Variants in UXS1 observed in about 807,000 individuals in gnomAD.
UXS1 encodes UDP-glucuronate decarboxylase 1.
UXS1 carries 33 observed loss-of-function variants against 62.6 expected under a neutral mutation model. The observed-to-expected ratio is 0.53, with a 90% CI of 0.40 to 0.70. The LOEUF is 0.70. Ranked by LOEUF, UXS1 falls within the 30% of genes least tolerant of loss-of-function variation. The pLI is 0.00. For synonymous variants in UXS1, 213 were observed against 206.8 expected (o/e 1.03, Z -0.26); for missense variants, 434 against 556.3 (o/e 0.78, Z 2.21).
At chr2:106,146,598 G>A (rs375380996) in intron 5 of UXS1, among the ~76,000 whole-genome samples, 1 of 151,704 alleles carries the variant, frequency 6.6e-6, no homozygotes, top group Admixed American at 6.6e-5. Context: ...GGCCAACATG[G>A]TGAAACCCTG....
In UXS1 at chr2:106,104,745, C is replaced by T. The variant is rs978566763; in HGVS notation, c.923+49G>A. On this transcript the variant is annotated intron_variant, in intron 11 of 14. Transcript: ENST00000283148. The stretch of plus-strand genomic sequence containing the variant: ...GAACTGTCTGTCAAGTTGGCATGAC[C>T]CCTGCTCCAAAGCACTGCTAAGGCT... 3.7e-6 allele frequency: 6 copies of T among 1,612,234 alleles called. No individual in the cohort carries two copies. In the African/African-American group the frequency reaches 6.7e-5, roughly 18 times the overall value.
intron 5 of UXS1, among the ~76,000 whole-genome samples, chr2:106,156,344 T>A (rs183555269): frequency 1.6e-4 from 25 of 152,238 alleles, no homozygotes; most frequent in African/African-American, 6.0e-4. Flanking sequence ...AGATATCACT[T>A]CACACCCAGT....
intron 5 of UXS1, among the ~76,000 whole-genome samples, chr2:106,149,163 T>C (rs991174553): frequency 1.3e-5 from 2 of 152,324 alleles, no homozygotes; most frequent in South Asian, 2.1e-4. Flanking sequence ...AGAAATGTGC[T>C]TAACCTATGA....
chr2:106,157,425 C>T (rs1573532419), intron 5 of UXS1, among the ~76,000 whole-genome samples: 1 of 152,166 alleles, frequency 6.6e-6, no homozygotes, highest in South Asian at 2.1e-4. Flanking sequence ...GGTCTGTGAG[C>T]TAGAAAAGGT....
At chr2:106,157,108 G>A (rs1682496572) in intron 5 of UXS1, among the ~76,000 whole-genome samples, 1 of 152,176 alleles carries the variant, frequency 6.6e-6, no homozygotes, top group South Asian at 2.1e-4. Flanking sequence ...GGCCTAAGGG[G>A]AAAATGGAGA....
chr2:106,157,905 T>G (rs1682566918), intron 5 of UXS1, among the ~76,000 whole-genome samples, 153 bp downstream of exon 5: 1 of 152,166 alleles, frequency 6.6e-6, no homozygotes, highest in Admixed American at 6.6e-5. Flanking sequence ...GAAGAAACTG[T>G]GGAATCAGAA....
At chr2:106,104,011 G>T (rs1677829941) in intron 11 of UXS1, among the ~76,000 whole-genome samples, 1 of 152,164 alleles carries the variant, frequency 6.6e-6, no homozygotes, top group South Asian at 2.1e-4. Flanking sequence ...CCCTGGGATG[G>T]CCCTAAGACA....
At chr2:106,111,156 G>A (rs1310595841) in intron 10 of UXS1, among the ~76,000 whole-genome samples, 2 of 152,186 alleles carry the variant, frequency 1.3e-5, no homozygotes, top group Non-Finnish European at 2.9e-5. Flanking sequence ...CCAAGGCTAC[G>A]GCAATAAATA....
At chr2:106,113,451 T>A (rs950440947) in intron 9 of UXS1, among the ~76,000 whole-genome samples, 1 of 152,220 alleles carries the variant, frequency 6.6e-6, no homozygotes, top group Admixed American at 6.5e-5. Context: ...TTTTCAAGTA[T>A]TTTTAATGCT....
chr2:106,190,846 A>G (rs1202983448), intron 1 of UXS1, among the ~76,000 whole-genome samples: 2 of 151,964 alleles, frequency 1.3e-5, no homozygotes, highest in Non-Finnish European at 2.9e-5. Flanking sequence ...TTTTTACACT[A>G]TATGCATGTT....
intron 1 of UXS1, among the ~76,000 whole-genome samples, chr2:106,192,808 A>T (rs889117893): frequency 1.3e-5 from 2 of 152,174 alleles, no homozygotes; most frequent in Non-Finnish European, 1.5e-5. Context: ...AGGAATCATT[A>T]TAGTACCGAT....
chr2:106,117,973 C>G (rs1248614239), intron 9 of UXS1, among the ~76,000 whole-genome samples: 1 of 152,228 alleles, frequency 6.6e-6, no homozygotes, highest in Non-Finnish European at 1.5e-5. Flanking sequence ...GTTTGGCCAT[C>G]TTCCTCAGCA....
rs557949889 is a variant in UXS1, at chr2:106,125,817, T to C, written c.578-138A>G. ...ATTATCTACCCTTACTGCGTCTGCT[T>C]TGGCACCAAAATAAACAAAACAAAT... On this transcript the variant is annotated intron_variant, in intron 7 of 14. Transcript: ENST00000283148. The C allele has an allele frequency of 7.9e-6, 5 of 633,662 alleles. No homozygotes were observed. In the South Asian group the frequency reaches 1.5e-4, roughly 19 times the overall value. The allele number at this position is 633,662 out of a possible 1,614,324, so 39.3% of individuals were successfully genotyped here.
At chr2:106,175,792 C>T (rs189950185) in intron 1 of UXS1, among the ~76,000 whole-genome samples, 9 of 152,262 alleles carry the variant, frequency 5.9e-5, no homozygotes, top group Admixed American at 5.2e-4. Context: ...CCAGGCATCA[C>T]GAAACAAAGA....
chr2:106,145,829 T>G (rs1023014250), intron 5 of UXS1, among the ~76,000 whole-genome samples: 4 of 152,232 alleles, frequency 2.6e-5, no homozygotes, highest in African/African-American at 9.6e-5. Context: ...AATATTTAAG[T>G]TAGATTCAAA....
intron 10 of UXS1, 84 bp from the exon 11 acceptor site, chr2:106,104,921 C>T: frequency 6.4e-7 from 1 of 1,558,556 alleles, no homozygotes; most frequent in Non-Finnish European, 8.9e-7. Flanking sequence ...GGGACACAGT[C>T]CGACCTTGAA....
intron 10 of UXS1, 106 bp from the exon 11 acceptor site, chr2:106,104,943 G>A (rs1448860531): frequency 5.1e-6 from 7 of 1,380,388 alleles, no homozygotes. Flanking sequence ...CTGATCCCAG[G>A]GGGCAGTGAT....
rs1683046704 is a variant in UXS1, at chr2:106,163,716, A to C, written c.187-6T>G. 2.1e-6 allele frequency: 3 copies of C among 1,427,962 alleles called. No homozygotes were observed. Among genetic ancestry groups the C allele is most frequent in the Non-Finnish European group, 2.8e-6 (3 of 1,080,958 alleles). The allele number at this position is 1,427,962 out of a possible 1,614,324, so 88.5% of individuals were successfully genotyped here. ...TCTCTTAGTGGTTCAACCATCTAGA[A>C]CAATAATAACAAAAATCAGTTTTAA... On this transcript the variant is annotated splice_region_variant and splice_polypyrimidine_tract_variant and intron_variant, in intron 3 of 14. Transcript: ENST00000283148.
At position 106,181,514 on chromosome 2, in the gene UXS1, T is replaced by A. The variant is rs1380479687; in HGVS notation, c.94+12634A>T. 5.9e-5 allele frequency among the ~76,000 whole-genome samples: 9 copies of A among 151,792 alleles called. 1 individual carries two copies. Among genetic ancestry groups the A allele is most frequent in the Admixed American group, 5.9e-4 (9 of 15,258 alleles). ...CGGGCAGATCACCTGAGCTCAGGAG[T>A]TCGAGACGACCCTGGGCAACATGGT... On this transcript the variant is annotated intron_variant, in intron 1 of 14. Coordinates refer to ENST00000283148, the MANE Select transcript of UXS1 (RefSeq NM_001253875.2).
Sources: gnomAD v4.1 joint callset for allele counts (sites outside exome capture counted in the v4.1 genomes callset) on GRCh38, gnomAD v4.1.1 for gene constraint, MANE v1.5 for transcripts, NCBI Gene and HGNC (gene_info 2026-07-23, HGNC 2026-07-21) for gene names.